Variants in SRPK2 observed in about 807,000 individuals in gnomAD.
The protein encoded by SRPK2 is SFRS protein kinase 2.
In SRPK2, 21 loss-of-function variants were observed where a neutral mutation model predicts 90.8. The ratio of observed to expected loss-of-function variants is 0.23; its 90% CI spans 0.16 to 0.33. The LOEUF is 0.33. Ranked by LOEUF, SRPK2 falls within the 10% of genes least tolerant of loss-of-function variation. The pLI, the probability that SRPK2 is intolerant of heterozygous loss-of-function variation, is 1.00. For missense variants in SRPK2, 620 were observed against 869.0 expected (o/e 0.71, Z 3.60); for synonymous variants, 288 against 311.1 (o/e 0.93, Z 0.78).
At chr7:105,236,332 A>T (rs1284642713) in intron 2 of SRPK2, among the ~76,000 whole-genome samples, 2 of 152,192 alleles carry the variant, frequency 1.3e-5, no homozygotes, top group Non-Finnish European at 2.9e-5. Context: ...TATTTCATTT[A>T]TTCTAATATG....
intron 3 of SRPK2, among the ~76,000 whole-genome samples, chr7:105,188,385 T>G (rs888206722): frequency 6.6e-6 from 1 of 152,204 alleles, no homozygotes; most frequent in African/African-American, 2.4e-5. Flanking sequence ...TGGAGAATGA[T>G]GAAAATGTTC....
At chr7:105,355,651 G>GA (rs957829472) in intron 2 of SRPK2, among the ~76,000 whole-genome samples, 2 of 151,616 alleles carry the variant, frequency 1.3e-5, no homozygotes, top group African/African-American at 2.4e-5. Flanking sequence ...CTGTCTCCAA[G>GA]AAAAAAAAGT....
At chr7:105,385,459 A>G (rs1232956119) in intron 2 of SRPK2, among the ~76,000 whole-genome samples, 1 of 152,042 alleles carries the variant, frequency 6.6e-6, no homozygotes, top group Non-Finnish European at 1.5e-5. Flanking sequence ...TACAGGCGTG[A>G]GCCACCGCGC....
intron 2 of SRPK2, among the ~76,000 whole-genome samples, chr7:105,318,086 C>T (rs1005150627): frequency 5.3e-5 from 8 of 151,892 alleles, no homozygotes; most frequent in Admixed American, 4.6e-4. Flanking sequence ...TTAAAATACG[C>T]TATTCATTTT....
intron 3 of SRPK2, among the ~76,000 whole-genome samples, chr7:105,181,749 G>GA (rs1001253063): frequency 2.0e-5 from 3 of 151,778 alleles, no homozygotes; most frequent in Non-Finnish European, 2.9e-5. Flanking sequence ...GAGAGAATTA[G>GA]AAAAAACATC....
chr7:105,237,107 A>G (rs1800235559), intron 2 of SRPK2, among the ~76,000 whole-genome samples: 1 of 152,214 alleles, frequency 6.6e-6, no homozygotes, highest in Admixed American at 6.5e-5. Flanking sequence ...CTAGAAACCC[A>G]AGATACTGCA....
chr7:105,154,846 T>C (rs1159452584), intron 7 of SRPK2, among the ~76,000 whole-genome samples: 2 of 151,786 alleles, frequency 1.3e-5, no homozygotes, highest in African/African-American at 4.8e-5. Flanking sequence ...AGCTAATTTT[T>C]GTATTTTTAG....
At chr7:105,341,882 G>A (rs1439543729) in intron 2 of SRPK2, among the ~76,000 whole-genome samples, 3 of 151,244 alleles carry the variant, frequency 2.0e-5, no homozygotes, top group East Asian at 2.0e-4. Flanking sequence ...CAGGAGAATC[G>A]CTGGAACCTG....
chr7:105,361,402 A>G (rs991226862), intron 2 of SRPK2, among the ~76,000 whole-genome samples: 1 of 152,236 alleles, frequency 6.6e-6, no homozygotes, highest in African/African-American at 2.4e-5. Flanking sequence ...ATACAGCCCA[A>G]GGTAATTTAT....
chr7:105,151,907 G>A (rs1237822758), intron 7 of SRPK2, among the ~76,000 whole-genome samples: 2 of 151,524 alleles, frequency 1.3e-5, no homozygotes, highest in African/African-American at 2.4e-5. Context: ...GCCTGTAATC[G>A]CTGCTACTCA....
chr7:105,190,948 A>G (rs1000615937), intron 3 of SRPK2, among the ~76,000 whole-genome samples: 7 of 152,240 alleles, frequency 4.6e-5, no homozygotes, highest in African/African-American at 1.7e-4. Flanking sequence ...TTAGTAAGCC[A>G]TAATTGTATG....
intron 3 of SRPK2, chr7:105,189,415 C>T (rs1793994324): frequency 6.2e-6 from 1 of 162,130 alleles, no homozygotes; most frequent in Non-Finnish European, 1.3e-5. Context: ...GCTGCATCAA[C>T]AGTAGGTCCT....
At chr7:105,280,470 TTATTTGCAA>T (rs1737114976) in intron 2 of SRPK2, among the ~76,000 whole-genome samples, 1 of 151,894 alleles carries the variant, frequency 6.6e-6, no homozygotes, top group African/African-American at 2.4e-5. Context: ...TATTTTATTA[TTATTTGCAA>T]TTTTTGCATA....
chr7:105,244,623 G>C (rs1482433235), intron 2 of SRPK2: 34 of 697,516 alleles, frequency 4.9e-5, no homozygotes, highest in South Asian at 4.6e-4. Context: ...GCCCCAGCGC[G>C]CCAGGGCCGC....
chr7:105,294,769 G>C (rs186949896), intron 2 of SRPK2, among the ~76,000 whole-genome samples: 1 of 152,018 alleles, frequency 6.6e-6, no homozygotes, highest in African/African-American at 2.4e-5. Flanking sequence ...CAACTGATCT[G>C]CCCACCTTGG....
In SRPK2 at chr7:105,384,480, C is replaced by T. The variant is rs183691321; in HGVS notation, c.71+4168G>A. Among the ~76,000 whole-genome samples, 633 of 152,240 alleles carry T rather than the reference C, an allele frequency of 4.2e-3. 1 individual carries two copies. Among genetic ancestry groups the T allele is most frequent in the Middle Eastern group, 0.014 (4 of 294 alleles). ...GAAATGAACTAAAATTAATTAAAAG[C>T]CTGCTTGTATATACAAAAGTAGATA... On this transcript the variant is annotated intron_variant, in intron 2 of 15. Coordinates refer to ENST00000393651, the MANE Select transcript of SRPK2 (RefSeq NM_182692.3).
At chr7:105,130,185 C>CAATA (rs1584889813) in intron 13 of SRPK2, among the ~76,000 whole-genome samples, 1 of 152,194 alleles carries the variant, frequency 6.6e-6, no homozygotes, top group African/African-American at 2.4e-5. Context: ...TCCTCCCTGA[C>CAATA]AATAGCCAAT....
At chr7:105,335,647 C>CT (rs1372291762) in intron 2 of SRPK2, among the ~76,000 whole-genome samples, 4 of 125,692 alleles carry the variant, frequency 3.2e-5, no homozygotes, top group African/African-American at 9.0e-5. Flanking sequence ...ACAAGACCAT[C>CT]TTTTAAAAAA....
intron 2 of SRPK2, among the ~76,000 whole-genome samples, chr7:105,332,328 T>C (rs1814518404): frequency 6.6e-6 from 1 of 152,186 alleles, no homozygotes; most frequent in Non-Finnish European, 1.5e-5. Context: ...AAAATAATGA[T>C]AGAAACTAGC....
Sources: allele counts gnomAD v4.1 joint callset (sites outside exome capture counted in the v4.1 genomes callset), GRCh38; gene constraint gnomAD v4.1.1; transcripts MANE v1.5; gene names NCBI Gene and HGNC (gene_info 2026-07-23, HGNC 2026-07-21).